NOL11: variants seen among roughly 807,000 people sequenced by gnomAD.
NOL11 encodes nucleolar protein 11.
Under a neutral mutation model 93.0 loss-of-function variants are expected in NOL11, and 42 were observed. The observed-to-expected ratio is 0.45, with a 90% CI of 0.35 to 0.58. The LOEUF (loss-of-function observed/expected upper bound fraction) is 0.58. NOL11 is among the 20% of genes least tolerant of loss of function. NOL11 has a pLI of 0.00. For synonymous variants in NOL11, 296 were observed against 293.7 expected, an observed-to-expected ratio of 1.01 and a Z score of -0.08; for missense variants, 775 against 841.8, an observed-to-expected ratio of 0.92 and a Z score of 0.98.
At chr17:67,742,458 G>A (rs1270965416) in intron 16 of NOL11, among the ~76,000 whole-genome samples, 1 of 152,054 alleles carries the variant, frequency 6.6e-6, no homozygotes, top group Non-Finnish European at 1.5e-5. Context: ...TGCATTGTAA[G>A]TTATTTGTCT....
chr17:67,737,932 C>T lies in NOL11; in HGVS notation c.1489C>T (p.Pro497Ser). The change falls in exon 13 of 18, where the codon CCT (proline) becomes TCT (serine). Residue 497 changes from proline (P) to serine (S), a missense_variant. Transcript: ENST00000253247. ...CTGTCTACAGCAGTTCCCTGACATTCCTGAATCAGTCACCTGTGCTTGCTT... is the reference window on the plus strand; with the variant it reads ...CTGTCTACAGCAGTTCCCTGACATTTCTGAATCAGTCACCTGTGCTTGCTT... ...QLCLQQFPDIPESVTCACLKI... is the reference protein window; with the variant it reads ...QLCLQQFPDISESVTCACLKI... The T allele has an allele frequency of 6.2e-7, 1 of 1,613,290 alleles. No individual in the cohort carries two copies. The highest frequency in any genetic ancestry group is 8.5e-7 in the Non-Finnish European group (1 of 1,179,808).
intron 7 of NOL11, chr17:67,726,908 C>G: frequency 3.4e-6 from 1 of 294,212 alleles, no homozygotes; most frequent in Middle Eastern, 9.9e-4. Context: ...GGCGAATATA[C>G]TAGTCACCAT....
intron 9 of NOL11, among the ~76,000 whole-genome samples, chr17:67,736,331 C>T (rs1350893167): frequency 6.6e-6 from 1 of 151,732 alleles, no homozygotes; most frequent in East Asian, 1.9e-4. Flanking sequence ...GTGAACAGTC[C>T]AAATTGCAGG....
chr17:67,738,834 G>T (rs1599048124), intron 14 of NOL11, 98 bp from the exon 15 acceptor site: 1 of 743,000 alleles, frequency 1.3e-6, no homozygotes, highest in Non-Finnish European at 2.3e-6. Flanking sequence ...TAAAACTTTT[G>T]TATAAATTTA....
At chr17:67,727,453 G>A (rs1482501161) in intron 7 of NOL11, among the ~76,000 whole-genome samples, 2 of 151,962 alleles carry the variant, frequency 1.3e-5, no homozygotes, top group Non-Finnish European at 2.9e-5. Flanking sequence ...CCTGAGGGGA[G>A]CTCGAGCCAG....
intron 7 of NOL11, among the ~76,000 whole-genome samples, chr17:67,733,558 C>T (rs1298111347): frequency 1.3e-5 from 2 of 152,090 alleles, no homozygotes; most frequent in Non-Finnish European, 2.9e-5. Flanking sequence ...GCACCTTTGT[C>T]TTTTTCCTTA....
chr17:67,737,317 C>T (rs996836817), intron 11 of NOL11, among the ~76,000 whole-genome samples, 172 bp downstream of exon 11: 1 of 152,210 alleles, frequency 6.6e-6, no homozygotes, highest in Non-Finnish European at 1.5e-5. Flanking sequence ...TTGATGCTCG[C>T]TGTCACCTCA....
At position 67,721,483 on chromosome 17, in the gene NOL11, C is replaced by T; in HGVS notation, c.418C>T (p.Gln140Ter). 1.2e-6 allele frequency: 2 copies of T among 1,613,930 alleles called. No individual in the cohort carries two copies. Among genetic ancestry groups the T allele is most frequent in the South Asian group, 1.1e-5 (1 of 91,068 alleles). The change falls in exon 4 of 18, where the codon CAG becomes TAG. Residue 140 changes from glutamine to a stop codon, truncating the protein, a stop_gained. Transcript: ENST00000253247. LOFTEE classifies it high-confidence loss of function. Reference sequence around the variant, plus strand: ...TTTAGAGGCCTTGCTTGCAGACCCCCAGCAGAAAATTGAAACTGTTATCTC... The same window carrying T: ...TTTAGAGGCCTTGCTTGCAGACCCCTAGCAGAAAATTGAAACTGTTATCTC... ...RGLEALLADP[Q>*]QKIETVISDE...
intron 13 of NOL11, 73 bp downstream of exon 13, chr17:67,738,045 T>C: frequency 6.4e-7 from 1 of 1,556,120 alleles, no homozygotes; most frequent in South Asian, 1.2e-5. Flanking sequence ...TTCCAAAATT[T>C]TGATGCTTAG....
At chr17:67,734,588 A>G (rs1396020734) in intron 8 of NOL11, 149 bp downstream of exon 8, 1 of 600,856 alleles carries the variant, frequency 1.7e-6, no homozygotes, top group Non-Finnish European at 3.0e-6. Context: ...AAATTTAGTT[A>G]TTTTTCTGCC....
Position 67,721,523 on chromosome 17 carries a change from T to A in NOL11, c.458T>A (p.Ile153Asn). 6.2e-7 allele frequency: 1 copy of A among 1,609,990 alleles called. No individual in the cohort carries two copies. Residue 153 changes from isoleucine to asparagine, a missense_variant, in exon 4 of 18, where the codon ATT becomes AAT. By Grantham distance (149) the Ile-to-Asn change is moderately radical (BLOSUM62 -3). Transcript: ENST00000253247. ...IETVISDEEV[I>N]KWTKFFVVFR... ...ACTGTTATCTCTGATGAAGAAGTGA[T>A]TAAGTAAGTTCCAGTACTTGTAAGT...
Position 67,738,338 on chromosome 17 carries a change from A to T in NOL11, c.1746A>T (p.Gln582His). Residue 582 changes from glutamine (Q) to histidine (H), a missense_variant, in exon 14 of 18, where the codon CAA becomes CAT. Around this residue, in one of 2 missense-constraint regions of NOL11, gnomAD observed 416 missense variants for 525.2 expected, o/e 0.79. Coordinates refer to ENST00000253247, the MANE Select transcript of NOL11 (RefSeq NM_015462.5). The stretch of plus-strand genomic sequence containing the variant: ...AGAGCACTTCATGCCCTGTGGTACA[A>T]AAAAGAGCAGCTCTACTGTATCCTT... ...TKESTSCPVV[Q>H]KRAALLNAIL... is the part of the protein sequence containing the mutation. The T allele has an allele frequency of 6.2e-7, 1 of 1,612,016 alleles. No individual in the cohort carries two copies. Among genetic ancestry groups the T allele is most frequent in the South Asian group, 1.1e-5 (1 of 90,968 alleles).
intron 3 of NOL11, 91 bp downstream of exon 3, chr17:67,720,053 T>A (rs2043206152): frequency 5.8e-6 from 7 of 1,209,380 alleles, no homozygotes; most frequent in Non-Finnish European, 7.9e-6. Flanking sequence ...TTTTAATACC[T>A]CTGGGAAAAT....
At position 67,737,827 on chromosome 17, in the gene NOL11, T is replaced by C. The variant is rs938193886; in HGVS notation, c.1404-20T>C. 3.7e-6 allele frequency: 6 copies of C among 1,602,908 alleles called. No individual in the cohort carries two copies. Among genetic ancestry groups the C allele is most frequent in the Non-Finnish European group, 4.2e-6 (5 of 1,176,946 alleles). ...GAATTTTCTTAATATGTAATAGTGA[T>C]TCAGATTTTTTTGTCTTAGTTTGTG... is the stretch of plus-strand genomic sequence containing the variant. On this transcript the variant is annotated intron_variant, in intron 12 of 17. Transcript: ENST00000253247.
At chr17:67,735,663 G>A (rs761375488) in intron 8 of NOL11, among the ~76,000 whole-genome samples, 13 of 152,070 alleles carry the variant, frequency 8.5e-5, no homozygotes, top group Non-Finnish European at 1.9e-4. Flanking sequence ...TTTTTAAAAT[G>A]TATATGTTGA....
At chr17:67,720,057 G>A in intron 3 of NOL11, 95 bp downstream of exon 3, 2 of 1,169,524 alleles carry the variant, frequency 1.7e-6, no homozygotes, top group Non-Finnish European at 2.3e-6. Flanking sequence ...AATACCTCTG[G>A]GAAAATAAGC....
rs2055214830 is a variant in NOL11, at chr17:67,737,634, T to A, written c.1345T>A (p.Ser449Thr). 6.2e-7 allele frequency: 1 copy of A among 1,614,028 alleles called. No homozygotes were observed. The highest frequency in any genetic ancestry group is 1.7e-5 in the Admixed American group (1 of 59,986). The change falls in exon 12 of 18, where the codon TCA (serine) becomes ACA (threonine). Residue 449 changes from serine to threonine, a missense_variant. This residue lies in a region of NOL11 where 416 missense variants were observed against 525.2 expected (regional missense o/e 0.79). Transcript: ENST00000253247. Reference sequence around the variant, plus strand: ...TCTGGAAAGGTGTAAAGCAGAACCATCATTTTATCCCCGGAACTGTCTGAT... The same window carrying A: ...TCTGGAAAGGTGTAAAGCAGAACCAACATTTTATCCCCGGAACTGTCTGAT... ...GLLERCKAEPSFYPRNCLMQL... is the reference protein window; with the variant it reads ...GLLERCKAEPTFYPRNCLMQL...
In NOL11 at chr17:67,735,529, T is replaced by C. The variant is rs141458656; in HGVS notation, c.931-371T>C. Reference sequence around the variant, plus strand: ...GTCTTATTTTTACAATCATAAAATATAAAGTGTTAAATTCCGGTTTGTAAA... The same window carrying C: ...GTCTTATTTTTACAATCATAAAATACAAAGTGTTAAATTCCGGTTTGTAAA... On this transcript the variant is annotated intron_variant, in intron 8 of 17. Coordinates refer to ENST00000253247, the MANE Select transcript of NOL11 (RefSeq NM_015462.5). Among the ~76,000 whole-genome samples the C allele has an allele frequency of 4.4e-3, 665 of 152,114 alleles. 6 individuals are homozygous for C. The highest frequency in any genetic ancestry group is 0.015 in the African/African-American group (621 of 41,474).
chr17:67,738,283 T>C lies in NOL11; in HGVS notation c.1691T>C (p.Leu564Ser). ...EDKCNNCDQELNKKPQDETKE... is the reference protein window; with the variant it reads ...EDKCNNCDQESNKKPQDETKE... ...AAATGCAATAACTGTGATCAAGAGT[T>C]AAATAAAAAGCCCCAGGACGAAACA... Residue 564 changes from leucine (L) to serine (S), a missense_variant, in exon 14 of 18, where the codon TTA (leucine) becomes TCA (serine). By Grantham distance (145) the Leu-to-Ser change is moderately radical (BLOSUM62 -2). Around this residue, in one of 2 missense-constraint regions of NOL11, gnomAD observed 416 missense variants for 525.2 expected, o/e 0.79. Transcript: ENST00000253247. 6.2e-7 allele frequency: 1 copy of C among 1,614,072 alleles called. No individual in the cohort carries two copies. Among genetic ancestry groups the C allele is most frequent in the Non-Finnish European group, 8.5e-7 (1 of 1,179,994 alleles).
Sources: allele counts gnomAD v4.1 joint callset (sites outside exome capture counted in the v4.1 genomes callset), GRCh38; gene constraint gnomAD v4.1.1; regional missense constraint gnomAD v4.1.1; transcripts MANE v1.5; gene names NCBI Gene and HGNC (gene_info 2026-07-23, HGNC 2026-07-21).